The following ST6GALNAC5 variants were observed in gnomAD, a reference collection of about 807,000 sequenced individuals.
ST6GALNAC5 encodes ST6 N-acetylgalactosaminide alpha-2,6-sialyltransferase 5.
In ST6GALNAC5, 27 loss-of-function variants were observed where a neutral mutation model predicts 33.6. The observed-to-expected ratio is 0.80, with a 90% confidence interval of 0.59 to 1.11. The LOEUF (loss-of-function observed/expected upper bound fraction) is 1.11, where lower values mean the gene tolerates loss of function less well. Ranked by LOEUF, ST6GALNAC5 falls within the 50% of genes least tolerant of loss-of-function variation. ST6GALNAC5 has a pLI of 0.00. For missense variants in ST6GALNAC5, 428 were observed against 454.0 expected, an observed-to-expected ratio of 0.94 and a Z score of 0.52; for synonymous variants, 194 against 171.2, an observed-to-expected ratio of 1.13 and a Z score of -1.04.
chr1:76,957,890 T>C (rs1373128443), intron 2 of ST6GALNAC5, among the ~76,000 whole-genome samples: 2 of 152,116 alleles, frequency 1.3e-5, no homozygotes. Context: ...ACATTGCACT[T>C]ATTTATTATG....
intron 2 of ST6GALNAC5, among the ~76,000 whole-genome samples, chr1:76,984,915 C>A (rs1326552848): frequency 6.6e-6 from 1 of 152,134 alleles, no homozygotes; most frequent in African/African-American, 2.4e-5. Flanking sequence ...TGACAGAAAC[C>A]ACATGATTAT....
At chr1:76,887,774 C>T (rs1653929750) in intron 2 of ST6GALNAC5, among the ~76,000 whole-genome samples, 1 of 152,142 alleles carries the variant, frequency 6.6e-6, no homozygotes, top group Admixed American at 6.5e-5. Flanking sequence ...ATGATGAATG[C>T]TTGACAGAGA....
At chr1:76,915,804 T>A (rs769650168) in intron 2 of ST6GALNAC5, among the ~76,000 whole-genome samples, 3 of 151,420 alleles carry the variant, frequency 2.0e-5, no homozygotes, top group Non-Finnish European at 2.9e-5. Context: ...GTAAGTAACC[T>A]GCACATTGTG....
At chr1:77,033,586 T>G (rs566929211) in intron 2 of ST6GALNAC5, among the ~76,000 whole-genome samples, 1 of 145,812 alleles carries the variant, frequency 6.9e-6, no homozygotes, top group African/African-American at 2.7e-5. Flanking sequence ...GTTGAACACT[T>G]AGTCGTGTTA....
chr1:77,044,066 G>A, intron 2 of ST6GALNAC5, 138 bp from the exon 3 acceptor site: 1 of 977,794 alleles, frequency 1.0e-6, no homozygotes, highest in African/African-American at 1.6e-5. Flanking sequence ...AGTAATAGCA[G>A]AAGGGATATA....
chr1:76,969,285 G>A (rs115307136), intron 2 of ST6GALNAC5, among the ~76,000 whole-genome samples: 1,725 of 152,258 alleles, frequency 0.011, 36 homozygotes, highest in African/African-American at 0.039. Context: ...CCGTACCTTC[G>A]CCAAAGACTG....
At position 76,965,990 on chromosome 1, in the gene ST6GALNAC5, T is replaced by C. The variant is rs560512890; in HGVS notation, c.262-78214T>C. ...TATATCTGTTTTGGTACCAGTGCCATGCTGTTTTGGTTACTGTAGCCTTGT... is the reference window on the plus strand; with the variant it reads ...TATATCTGTTTTGGTACCAGTGCCACGCTGTTTTGGTTACTGTAGCCTTGT... On this transcript the variant is annotated intron_variant, in intron 2 of 4. Transcript: ENST00000477717. Among the ~76,000 whole-genome samples the C allele has an allele frequency of 8.5e-5, 13 of 152,354 alleles. No homozygotes were observed. In the South Asian group the frequency reaches 1.4e-3, roughly 17 times the overall value.
chr1:76,957,124 C>G (rs1435021463), intron 2 of ST6GALNAC5, among the ~76,000 whole-genome samples: 1 of 152,126 alleles, frequency 6.6e-6, no homozygotes, highest in Non-Finnish European at 1.5e-5. Context: ...TAACAAATTA[C>G]CACAGACTGG....
chr1:77,065,791 G>T lies in ST6GALNAC5; in HGVS notation c.*2585G>T, dbSNP rs755171691. On this transcript the variant is annotated 3_prime_UTR_variant, in exon 5 of 5. Coordinates refer to ENST00000477717, the MANE Select transcript of ST6GALNAC5 (RefSeq NM_030965.3). ...TTGATGCCTAAGTCATACTCGTTAT[G>T]TTACATGCCTTTTTCCTCTCTCCCA... is the stretch of plus-strand genomic sequence containing the variant. The T allele has an allele frequency of 6.6e-6, 1 of 152,160 alleles. No homozygotes were observed. Among genetic ancestry groups the T allele is most frequent in the Non-Finnish European group, 1.5e-5 (1 of 68,032 alleles). The allele number at this position is 152,160 out of a possible 1,614,324, so 9.4% of individuals were successfully genotyped here.
At chr1:76,923,331 A>G (rs1418736361) in intron 2 of ST6GALNAC5, among the ~76,000 whole-genome samples, 1 of 151,914 alleles carries the variant, frequency 6.6e-6, no homozygotes, top group East Asian at 1.9e-4. Context: ...ATGGAGACTT[A>G]CAGCCATTGG....
intron 2 of ST6GALNAC5, among the ~76,000 whole-genome samples, chr1:76,913,678 ATCACTGATACCATT>A (rs1222283344): frequency 2.0e-5 from 3 of 151,938 alleles, no homozygotes; most frequent in Non-Finnish European, 4.4e-5. Flanking sequence ...TTCATCTTCC[ATCACTGATACCATT>A]TCTTCCAGTT....
intron 2 of ST6GALNAC5, among the ~76,000 whole-genome samples, chr1:77,005,671 T>C (rs1650382977): frequency 6.6e-6 from 1 of 152,222 alleles, no homozygotes; most frequent in Non-Finnish European, 1.5e-5. Context: ...TCATCCCAAA[T>C]TGAAACTCCA....
At position 77,005,451 on chromosome 1, in the gene ST6GALNAC5, T is replaced by C. The variant is rs1479510670; in HGVS notation, c.262-38753T>C. Among the ~76,000 whole-genome samples, 4 of 152,362 alleles carry C rather than the reference T, an allele frequency of 2.6e-5. No homozygotes were observed. In the East Asian group the frequency reaches 5.8e-4, roughly 22 times the overall value. On this transcript the variant is annotated intron_variant, in intron 2 of 4. Coordinates refer to ENST00000477717, the MANE Select transcript of ST6GALNAC5 (RefSeq NM_030965.3). The stretch of plus-strand genomic sequence containing the variant: ...GGAAATGCAGAAATCACCCGTCTTC[T>C]GCGTCGCTCACGCTGGGAGCTGTAG...
intron 2 of ST6GALNAC5, among the ~76,000 whole-genome samples, chr1:77,005,072 C>T (rs552535448): frequency 5.9e-5 from 9 of 151,962 alleles, no homozygotes; most frequent in South Asian, 4.2e-4. Flanking sequence ...TGGGCAATGG[C>T]GGGCGCCCCT....
chr1:76,928,867 G>A (rs999075705), intron 2 of ST6GALNAC5, among the ~76,000 whole-genome samples: 2 of 152,012 alleles, frequency 1.3e-5, no homozygotes, highest in African/African-American at 2.4e-5. Context: ...GACAAGATCC[G>A]GGCCTGTCAT....
At chr1:77,024,969 T>A (rs752557457) in intron 2 of ST6GALNAC5, among the ~76,000 whole-genome samples, 1 of 152,182 alleles carries the variant, frequency 6.6e-6, no homozygotes, top group Non-Finnish European at 1.5e-5. Context: ...CTTTCTACCT[T>A]CTTCTGTATC....
chr1:76,960,479 G>A (rs914394197), intron 2 of ST6GALNAC5, among the ~76,000 whole-genome samples: 5 of 152,164 alleles, frequency 3.3e-5, no homozygotes, highest in African/African-American at 4.8e-5. Context: ...GGCACGCATT[G>A]TCATTGATAA....
At chr1:76,884,703 T>C (rs1053797289) in intron 2 of ST6GALNAC5, among the ~76,000 whole-genome samples, 7 of 152,164 alleles carry the variant, frequency 4.6e-5, no homozygotes, top group African/African-American at 1.7e-4. Context: ...TTGACTGGGT[T>C]CCAGAAAGGC....
At chr1:76,873,080 G>A (rs1173274695) in intron 2 of ST6GALNAC5, among the ~76,000 whole-genome samples, 1 of 152,130 alleles carries the variant, frequency 6.6e-6, no homozygotes, top group Non-Finnish European at 1.5e-5. Context: ...GTTTGACCAG[G>A]CTCACTCTTA....
Sources: allele counts gnomAD v4.1 joint callset (sites outside exome capture counted in the v4.1 genomes callset), GRCh38; gene constraint gnomAD v4.1.1; transcripts MANE v1.5; gene names NCBI Gene and HGNC (gene_info 2026-07-23, HGNC 2026-07-21).